Variants in ZNF444 observed in about 807,000 individuals in gnomAD.
ZNF444 encodes the protein zinc finger protein 444, also known as endothelial zinc finger protein 2.
In ZNF444, 8 loss-of-function variants were observed where a neutral mutation model predicts 14.4. The observed-to-expected ratio is 0.56, with a 90% CI of 0.33 to 1.00. The LOEUF (loss-of-function observed/expected upper bound fraction) is 1.00, where lower values mean the gene tolerates loss of function less well. Among genes scored for constraint, ZNF444 ranks in the 50% least tolerant of loss-of-function variants. ZNF444 has a pLI of 0.03. For missense variants in ZNF444, 510 were observed against 504.8 expected (o/e 1.01, Z -0.10); for synonymous variants, 258 against 235.9 (o/e 1.09, Z -0.86).
chr19:56,133,582 A>G (rs1347558883), intron 1 of ZNF444, among the ~76,000 whole-genome samples: 3 of 147,296 alleles, frequency 2.0e-5, no homozygotes, highest in South Asian at 2.1e-4. Context: ...GGAGGCCGAG[A>G]TGGGTGGATC....
chr19:56,160,285 C>T lies in ZNF444; in HGVS notation c.*84C>T. ...CTCTCCCAGCGCCACTTGGCCTCTT[C>T]CTCTCCTCCTTCCCTCCCATCGTCC... On this transcript the variant is annotated 3_prime_UTR_variant, in exon 5 of 5. Coordinates refer to ENST00000337080, the MANE Select transcript of ZNF444 (RefSeq NM_018337.4). The T allele has an allele frequency of 8.8e-7, 1 of 1,130,944 alleles. No individual in the cohort carries two copies. The highest frequency in any genetic ancestry group is 1.2e-6 in the Non-Finnish European group (1 of 852,304). The allele number at this position is 1,130,944 out of a possible 1,614,324, so 70.1% of individuals were successfully genotyped here. A position where few individuals can be genotyped will look rare whatever the true frequency, so the allele number is the denominator to read the frequency against.
At position 56,147,007 on chromosome 19, in the gene ZNF444, G is replaced by C. The variant is rs772330410; in HGVS notation, c.96G>C (p.Pro32=). 2.1e-6 allele frequency: 3 copies of C among 1,455,824 alleles called. No individual in the cohort carries two copies. Among genetic ancestry groups the C allele is most frequent in the Admixed American group, 5.8e-5 (2 of 34,652 alleles). The allele number at this position is 1,455,824 out of a possible 1,614,324, so 90.2% of individuals were successfully genotyped here. The change falls in exon 3 of 5, where the codon CCG becomes CCC. Residue 32 remains proline, a synonymous_variant. Transcript: ENST00000337080. This position sits in a 1 kb window ranked among gnomAD's most constrained non-coding sequence, Gnocchi z 5.9. ...RFRRFHLGDA[P]GPREALGLLR... is the part of the protein sequence containing the mutation. Reference sequence around the variant, plus strand: ...GCCGCTTCCACCTGGGCGACGCGCCGGGCCCGCGGGAGGCGCTGGGGCTGC... The same window carrying C: ...GCCGCTTCCACCTGGGCGACGCGCCCGGCCCGCGGGAGGCGCTGGGGCTGC...
At position 56,147,536 on chromosome 19, in the gene ZNF444, G is replaced by A. The variant is rs535855156; in HGVS notation, c.297+328G>A. 1.8e-4 allele frequency among the ~76,000 whole-genome samples: 28 copies of A among 152,206 alleles called. 1 individual carries two copies. The highest frequency in any genetic ancestry group is 5.8e-4 in the African/African-American group (24 of 41,524). The stretch of plus-strand genomic sequence containing the variant: ...GAAGGCCACGAAGGCTCCAGGGAGC[G>A]CAGTTACCAGCTGTCCTCTCCCCGC... On this transcript the variant is annotated intron_variant, in intron 3 of 4. Coordinates refer to ENST00000337080, the MANE Select transcript of ZNF444 (RefSeq NM_018337.4). The surrounding 1 kb of genome is among the most constrained non-coding windows in gnomAD (Gnocchi z 5.9).
chr19:56,148,836 G>T (rs2031378154), intron 3 of ZNF444, among the ~76,000 whole-genome samples: 1 of 151,500 alleles, frequency 6.6e-6, no homozygotes, highest in Non-Finnish European at 1.5e-5. Context: ...CAAAATCGAG[G>T]TGTCTGCAGG....
chr19:56,135,858 C>A (rs567407736), intron 1 of ZNF444, among the ~76,000 whole-genome samples: 1 of 151,586 alleles, frequency 6.6e-6, no homozygotes, highest in Non-Finnish European at 1.5e-5. Flanking sequence ...GTGGGTGGGC[C>A]TCACTTGAGA....
intron 3 of ZNF444, chr19:56,150,320 G>T (rs549335643): frequency 3.8e-5 from 9 of 238,822 alleles, no homozygotes; most frequent in African/African-American, 1.8e-4. Flanking sequence ...TCCATTCGGG[G>T]ATGCAGTGAG....
At chr19:56,138,628 G>A (rs1426653208), upstream of ZNF444, among the ~76,000 whole-genome samples, 1 of 152,006 alleles carries the variant, frequency 6.6e-6, no homozygotes, top group Non-Finnish European at 1.5e-5. Context: ...TTCAGACCCT[G>A]TCTCAAATAA....
intron 1 of ZNF444, among the ~76,000 whole-genome samples, chr19:56,134,091 A>G (rs1027836878): frequency 1.3e-5 from 2 of 151,668 alleles, no homozygotes; most frequent in Non-Finnish European, 2.9e-5. Flanking sequence ...TCTCCCCCTC[A>G]CACGCTCACT....
chr19:56,159,900 C>T lies in ZNF444; in HGVS notation c.683C>T (p.Thr228Met). 2 of 1,515,758 alleles carry T rather than the reference C, an allele frequency of 1.3e-6. No individual in the cohort carries two copies. Among genetic ancestry groups the T allele is most frequent in the Non-Finnish European group, 1.8e-6 (2 of 1,138,546 alleles). 93.9% of individuals were successfully genotyped at this position (1,515,758 alleles called of 1,614,324 possible). Residue 228 changes from threonine to methionine, a missense_variant, in exon 5 of 5, where the codon ACG becomes ATG. Physicochemically the swap from Thr to Met is moderately conservative, Grantham distance 81. Coordinates refer to ENST00000337080, the MANE Select transcript of ZNF444 (RefSeq NM_018337.4). ...GAGCACCTGCGGCGCCACCGCGACA[C>T]GCACCCCGGCAGCCCCGGCAGCCCC... ...RKEHLRRHRD[T>M]HPGSPGSPGP...
At position 56,159,680 on chromosome 19, in the gene ZNF444, C is replaced by A. The variant is rs1324923835; in HGVS notation, c.463C>A (p.Pro155Thr). ...PAPGDSQAVRPYKQEPSSPPL... is the reference protein window; with the variant it reads ...PAPGDSQAVRTYKQEPSSPPL... ...GCCTGGGGACTCCCAGGCTGTGCGCCCCTACAAGCAGGAGCCCAGCAGCCC... is the reference window on the plus strand; with the variant it reads ...GCCTGGGGACTCCCAGGCTGTGCGCACCTACAAGCAGGAGCCCAGCAGCCC... The change falls in exon 5 of 5, where the codon CCC becomes ACC. Residue 155 changes from proline (P) to threonine (T), a missense_variant. Transcript: ENST00000337080. 4 of 1,526,356 alleles carry A rather than the reference C, an allele frequency of 2.6e-6. No individual in the cohort carries two copies. Among genetic ancestry groups the A allele is most frequent in the East Asian group, 2.5e-5 (1 of 40,602 alleles). 94.6% of individuals were successfully genotyped at this position (1,526,356 alleles called of 1,614,324 possible).
intron 1 of ZNF444, among the ~76,000 whole-genome samples, chr19:56,134,188 G>GTA (rs1397352456): frequency 6.6e-6 from 1 of 152,098 alleles, no homozygotes; most frequent in Non-Finnish European, 1.5e-5. Flanking sequence ...CTGCCCTGGG[G>GTA]GATCTTAGTG....
chr19:56,159,904 C>T lies in ZNF444; in HGVS notation c.687C>T (p.His229=), dbSNP rs2032174192. The change falls in exon 5 of 5, where the codon CAC becomes CAT. Residue 229 remains histidine (H), a synonymous_variant. Transcript: ENST00000337080. The part of the protein sequence containing the change: ...KEHLRRHRDT[H]PGSPGSPGPA... ...ACCTGCGGCGCCACCGCGACACGCA[C>T]CCCGGCAGCCCCGGCAGCCCCGGGC... The T allele has an allele frequency of 7.3e-7, 1 of 1,370,476 alleles. No individual in the cohort carries two copies. The highest frequency in any genetic ancestry group is 9.8e-7 in the Non-Finnish European group (1 of 1,025,138). The allele number at this position is 1,370,476 out of a possible 1,614,324, so 84.9% of individuals were successfully genotyped here. A position where few individuals can be genotyped will look rare whatever the true frequency, so the allele number is the denominator to read the frequency against.
chr19:56,149,010 C>T (rs367684161), intron 3 of ZNF444, among the ~76,000 whole-genome samples: 11 of 151,964 alleles, frequency 7.2e-5, no homozygotes, highest in East Asian at 1.9e-4. Flanking sequence ...TGCTGCACTC[C>T]GACCTCTGCT....
intron 2 of ZNF444, among the ~76,000 whole-genome samples, chr19:56,146,644 G>A (rs945285793): frequency 1.3e-5 from 2 of 152,124 alleles, no homozygotes; most frequent in Non-Finnish European, 2.9e-5. Context: ...ATAAAAATTA[G>A]CAGGCGTGGT....
At chr19:56,137,884 G>A (rs1568545583), upstream of ZNF444, among the ~76,000 whole-genome samples, 1 of 152,168 alleles carries the variant, frequency 6.6e-6, no homozygotes, top group Non-Finnish European at 1.5e-5. Flanking sequence ...CACTTTGGGA[G>A]GCCGAGGCGG....
At position 56,159,882 on chromosome 19, in the gene ZNF444, T is replaced by C; in HGVS notation, c.665T>C (p.Leu222Pro). 1 of 1,528,130 alleles carries C rather than the reference T, an allele frequency of 6.5e-7. No homozygotes were observed. Among genetic ancestry groups the C allele is most frequent in the Non-Finnish European group, 8.7e-7 (1 of 1,143,334 alleles). 94.7% of individuals were successfully genotyped at this position (1,528,130 alleles called of 1,614,324 possible). A position where few individuals can be genotyped will look rare whatever the true frequency, so the allele number is the denominator to read the frequency against. The change falls in exon 5 of 5, where the codon CTG becomes CCG. Residue 222 changes from leucine (L) to proline (P), a missense_variant. Transcript: ENST00000337080. The stretch of plus-strand genomic sequence containing the variant: ...AAGGCCTTTCGGCGCAAGGAGCACC[T>C]GCGGCGCCACCGCGACACGCACCCC... ...CGKAFRRKEH[L>P]RRHRDTHPGS...
At chr19:56,159,566 T>G in intron 4 of ZNF444, 58 bp from the exon 5 acceptor site, 1 of 1,384,446 alleles carries the variant, frequency 7.2e-7, no homozygotes, top group Non-Finnish European at 9.4e-7. Context: ...CCCCAGCCTG[T>G]GCTGTCCTTG....
chr19:56,153,645 A>G (rs933457958), intron 3 of ZNF444, among the ~76,000 whole-genome samples: 12 of 152,182 alleles, frequency 7.9e-5, no homozygotes, highest in Admixed American at 5.2e-4. Context: ...CAGGCACACA[A>G]TAGGGAAAGG....
intron 1 of ZNF444, among the ~76,000 whole-genome samples, chr19:56,141,977 G>A (rs1049662757): frequency 6.6e-6 from 1 of 152,072 alleles, no homozygotes; most frequent in African/African-American, 2.4e-5. Flanking sequence ...TTTTTAGCTT[G>A]TTGCAAGGCA....
Sources: allele counts gnomAD v4.1 joint callset (sites outside exome capture counted in the v4.1 genomes callset), GRCh38; gene constraint gnomAD v4.1.1; non-coding constraint Gnocchi (gnomAD v3.1); transcripts MANE v1.5; gene names NCBI Gene and HGNC (gene_info 2026-07-23, HGNC 2026-07-21).